Variants in SNX29 observed in about 807,000 individuals in gnomAD.
SNX29 encodes sorting nexin 29.
In SNX29, 78 loss-of-function variants were observed where a neutral mutation model predicts 102.1. The ratio of observed to expected loss-of-function variants is 0.76; its 90% CI spans 0.64 to 0.92. SNX29 has a LOEUF of 0.92. Among genes scored for constraint, SNX29 ranks in the 40% least tolerant of loss-of-function variants. The pLI, the probability that SNX29 is intolerant of heterozygous loss-of-function variation, is 0.00. For synonymous variants in SNX29, 580 were observed against 414.5 expected, an observed-to-expected ratio of 1.40 and a Z score of -4.85; for missense variants, 1,280 against 1,061.7, an observed-to-expected ratio of 1.21 and a Z score of -2.86.
At chr16:12,026,829 C>A (rs1033963206) in intron 3 of SNX29, among the ~76,000 whole-genome samples, 2 of 152,054 alleles carry the variant, frequency 1.3e-5, no homozygotes, top group Admixed American at 1.3e-4. Flanking sequence ...CTTTTTAGAG[C>A]ATGTAACAGG....
At chr16:12,544,559 T>G (rs144608512) in intron 20 of SNX29, among the ~76,000 whole-genome samples, 291 of 152,292 alleles carry the variant, frequency 1.9e-3, no homozygotes, top group African/African-American at 6.4e-3. Context: ...AATGTTACAG[T>G]GATGGATTCA....
intron 20 of SNX29, among the ~76,000 whole-genome samples, chr16:12,537,557 G>A (rs1015918490): frequency 8.5e-5 from 13 of 152,160 alleles, no homozygotes; most frequent in Admixed American, 6.6e-4. Context: ...GCTTCTCGAA[G>A]GGAAGCAATT....
chr16:12,421,483 C>G (rs534620826), intron 18 of SNX29, among the ~76,000 whole-genome samples: 24 of 152,268 alleles, frequency 1.6e-4, no homozygotes, highest in African/African-American at 5.1e-4. Flanking sequence ...CTAGATCTTT[C>G]TTGATTTGAT....
intron 20 of SNX29, among the ~76,000 whole-genome samples, chr16:12,547,700 C>G (rs529905905): frequency 1.4e-4 from 22 of 152,274 alleles, no homozygotes; most frequent in Admixed American, 5.9e-4. Flanking sequence ...GCGTTCCTGT[C>G]TGGGATCTGC....
chr16:12,450,951 C>T (rs1330083075), intron 18 of SNX29, among the ~76,000 whole-genome samples: 1 of 152,030 alleles, frequency 6.6e-6, no homozygotes, highest in African/African-American at 2.4e-5. Context: ...GTAAGCAAAC[C>T]GAGATGAGCT....
chr16:12,061,488 G>A, intron 8 of SNX29, 40 bp from the exon 9 acceptor site: 1 of 1,520,578 alleles, frequency 6.6e-7, no homozygotes, highest in Non-Finnish European at 8.9e-7. Context: ...CGGCCTGTGG[G>A]CTCTTTGGCC....
chr16:11,990,290 CAGG>C (rs2055799005), intron 1 of SNX29, among the ~76,000 whole-genome samples: 2 of 152,102 alleles, frequency 1.3e-5, no homozygotes, highest in Non-Finnish European at 2.9e-5. Context: ...CTTGAAAAAC[CAGG>C]AGATGGGGCA....
intron 20 of SNX29, among the ~76,000 whole-genome samples, chr16:12,540,923 C>G (rs1042613169): frequency 6.6e-6 from 1 of 152,214 alleles, no homozygotes; most frequent in Non-Finnish European, 1.5e-5. Flanking sequence ...TGTCTGTTCA[C>G]CCCCTGCCCA....
At chr16:12,141,594 C>A (rs1438653436) in intron 13 of SNX29, among the ~76,000 whole-genome samples, 1 of 152,204 alleles carries the variant, frequency 6.6e-6, no homozygotes. Flanking sequence ...GTTTTCCAGG[C>A]TCGGGGCAGG....
intron 13 of SNX29, among the ~76,000 whole-genome samples, chr16:12,136,042 C>G (rs984601994): frequency 3.3e-5 from 5 of 152,238 alleles, no homozygotes; most frequent in African/African-American, 1.2e-4. Flanking sequence ...ACTCAGAGTG[C>G]CGCTGCAGAC....
intron 20 of SNX29, among the ~76,000 whole-genome samples, chr16:12,555,691 G>C (rs7197122): frequency 2.0e-5 from 3 of 151,966 alleles, no homozygotes; most frequent in South Asian, 2.1e-4. Flanking sequence ...TAAGCCTTCC[G>C]ATACTCTACG....
At chr16:12,085,946 G>GT (rs2052152067) in intron 11 of SNX29, among the ~76,000 whole-genome samples, 1 of 151,456 alleles carries the variant, frequency 6.6e-6, no homozygotes, top group Non-Finnish European at 1.5e-5. Context: ...TCTAGCTATA[G>GT]TAAGTGGTGA....
intron 20 of SNX29, among the ~76,000 whole-genome samples, chr16:12,533,237 G>T (rs2076979394): frequency 6.6e-6 from 1 of 152,246 alleles, no homozygotes; most frequent in African/African-American, 2.4e-5. Context: ...TTTGCCCAAA[G>T]GGCAGCTGAT....
intron 16 of SNX29, among the ~76,000 whole-genome samples, chr16:12,357,096 A>G (rs2082156441): frequency 6.6e-6 from 1 of 152,248 alleles, no homozygotes; most frequent in South Asian, 2.1e-4. Flanking sequence ...AGCATCTAAC[A>G]CTTGTCCTTT....
intron 11 of SNX29, among the ~76,000 whole-genome samples, chr16:12,100,938 G>A (rs932222380): frequency 2.6e-5 from 4 of 152,150 alleles, no homozygotes; most frequent in Non-Finnish European, 5.9e-5. Flanking sequence ...TTGATTAGGA[G>A]GATGACCTTT....
intron 15 of SNX29, among the ~76,000 whole-genome samples, chr16:12,289,614 G>C (rs1485226776): frequency 6.6e-6 from 1 of 152,176 alleles, no homozygotes; most frequent in East Asian, 1.9e-4. Flanking sequence ...TGATCTGGAA[G>C]TCTGGAGTAC....
chr16:12,301,738 T>C (rs1045144866), intron 15 of SNX29, among the ~76,000 whole-genome samples: 10 of 152,222 alleles, frequency 6.6e-5, no homozygotes, highest in African/African-American at 2.2e-4. Flanking sequence ...CTGCATGAGA[T>C]AGGCACTAAA....
chr16:12,174,766 T>C (rs570921214), intron 13 of SNX29, among the ~76,000 whole-genome samples: 2 of 152,332 alleles, frequency 1.3e-5, no homozygotes, highest in Admixed American at 6.5e-5. Context: ...TCAAATGACA[T>C]GGATGTGGGA....
chr16:12,572,632 T>A lies in SNX29; in HGVS notation c.*4003T>A. 2 of 1,063,742 alleles carry A rather than the reference T, an allele frequency of 1.9e-6. No individual in the cohort carries two copies. The highest frequency in any genetic ancestry group is 2.3e-6 in the Non-Finnish European group (2 of 878,238). 65.9% of individuals were successfully genotyped at this position (1,063,742 alleles called of 1,614,324 possible). ...CTCCGGCTACCCCCAGAATCCATCC[T>A]TCATTCCTCCACCAAGCTCCTGTGT... On this transcript the variant is annotated 3_prime_UTR_variant, in exon 21 of 21. Transcript: ENST00000566228.
Sources: gnomAD v4.1 joint callset for allele counts (sites outside exome capture counted in the v4.1 genomes callset) on GRCh38, gnomAD v4.1.1 for gene constraint, MANE v1.5 for transcripts, NCBI Gene and HGNC (gene_info 2026-07-23, HGNC 2026-07-21) for gene names.